OXNAD1: variants seen among roughly 807,000 people sequenced by gnomAD.
The protein encoded by OXNAD1 is oxidoreductase NAD binding domain containing 1.
Under a neutral mutation model 32.9 loss-of-function variants are expected in OXNAD1, and 34 were observed. The observed-to-expected ratio is 1.03, with a 90% CI of 0.79 to 1.38. OXNAD1 has a LOEUF of 1.38. Among genes scored for constraint, OXNAD1 ranks in the 40% most tolerant of loss-of-function variants. OXNAD1 has a pLI of 0.00. For synonymous variants in OXNAD1, 134 were observed against 135.2 expected (o/e 0.99, Z 0.06); for missense variants, 407 against 379.4 (o/e 1.07, Z -0.60).
chr3:16,332,846 C>CCTA (rs2070464129), intron 9 of OXNAD1, among the ~76,000 whole-genome samples: 1 of 151,708 alleles, frequency 6.6e-6, no homozygotes, highest in Non-Finnish European at 1.5e-5. Context: ...TATCTACCTA[C>CCTA]CTACCTACCT....
At chr3:16,273,566 T>G (rs760241827) in intron 4 of OXNAD1, among the ~76,000 whole-genome samples, 35 of 152,100 alleles carry the variant, frequency 2.3e-4, no homozygotes, top group Non-Finnish European at 4.6e-4. Flanking sequence ...TAATTTTTAA[T>G]TTTTTGTAAA....
rs559426133 is a variant in OXNAD1 at position 16,281,332 on chromosome 3, A to T, written c.184-5010A>T. The stretch of plus-strand genomic sequence containing the variant: ...TAGGATAAATAGCAGTAGGTACATT[A>T]CTGTTTGTATTTCAGGTTGAGTATC... On this transcript the variant is annotated intron_variant, in intron 4 of 8. Transcript: ENST00000285083. 3.9e-5 allele frequency among the ~76,000 whole-genome samples: 6 copies of T among 152,342 alleles called. No individual in the cohort carries two copies. The East Asian group carries it at 1.2e-3, about 29-fold the overall frequency.
Position 16,298,691 on chromosome 3 carries a change from C to T in OXNAD1, c.433-2935C>T, listed in dbSNP as rs1010977443. ...GAGACATGGAATAAAGTGCCATAAACGTCTTCCTTTATTTTATCTGCTTTG... is the reference window on the plus strand; with the variant it reads ...GAGACATGGAATAAAGTGCCATAAATGTCTTCCTTTATTTTATCTGCTTTG... On this transcript the variant is annotated intron_variant, in intron 6 of 8. Coordinates refer to ENST00000285083, the MANE Select transcript of OXNAD1 (RefSeq NM_138381.5). The surrounding 1 kb of genome is among the most constrained non-coding windows in gnomAD (Gnocchi z 5.1). Among the ~76,000 whole-genome samples the T allele has an allele frequency of 3.3e-5, 5 of 152,158 alleles. No homozygotes were observed. Among genetic ancestry groups the T allele is most frequent in the African/African-American group, 7.2e-5 (3 of 41,434 alleles).
At chr3:16,266,982 CT>C (rs113497045) in intron 1 of OXNAD1, among the ~76,000 whole-genome samples, 3 of 152,236 alleles carry the variant, frequency 2.0e-5, no homozygotes, top group African/African-American at 7.2e-5. Context: ...ACTAAGGTGT[CT>C]TTGCCTGTTG....
Position 16,286,334 on chromosome 3 carries a change from G to T in OXNAD1, c.184-8G>T. Reference sequence around the variant, plus strand: ...TAACCTCAGCCACAGTTCATCTTTTGGTTTTAGATTGTGTCAGCAGCTAAG... The same window carrying T: ...TAACCTCAGCCACAGTTCATCTTTTTGTTTTAGATTGTGTCAGCAGCTAAG... On this transcript the variant is annotated splice_region_variant and splice_polypyrimidine_tract_variant and intron_variant, in intron 4 of 8. Coordinates refer to ENST00000285083, the MANE Select transcript of OXNAD1 (RefSeq NM_138381.5). 1 of 1,606,396 alleles carries T rather than the reference G, an allele frequency of 6.2e-7. No individual in the cohort carries two copies. The highest frequency in any genetic ancestry group is 1.1e-5 in the South Asian group (1 of 90,874).
At chr3:16,313,641 A>G (rs62233916) in intron 9 of OXNAD1, 23,355 of 152,068 alleles carry the variant, frequency 0.15, 1,856 homozygotes, top group African/African-American at 0.19. Context: ...GGTGGGTGCC[A>G]TTTCACCCCA....
intron 4 of OXNAD1, 36 bp from the exon 5 acceptor site, chr3:16,286,306 C>T (rs2125041643): frequency 6.7e-7 from 1 of 1,492,030 alleles, no homozygotes; most frequent in Non-Finnish European, 9.4e-7. Context: ...GCTGTGTACG[C>T]ACTAACCTCA....
In OXNAD1 at chr3:16,303,481, T is replaced by G; in HGVS notation, c.858T>G (p.Pro286=). The change falls in exon 9 of 9, where the codon CCT becomes CCG. Residue 286 remains proline, a synonymous_variant. Transcript: ENST00000285083. This position sits in a 1 kb window ranked among gnomAD's most constrained non-coding sequence, Gnocchi z 4.8. ...CTTTGTTCTATATTTGTGGCCCACCTCCAATGACAGACTTTTTCTCCAAGC... is the reference window on the plus strand; with the variant it reads ...CTTTGTTCTATATTTGTGGCCCACCGCCAATGACAGACTTTTTCTCCAAGC... ...KETLFYICGP[P]PMTDFFSKQL... 6.2e-7 allele frequency: 1 copy of G among 1,614,052 alleles called. No homozygotes were observed.
chr3:16,298,036 C>A lies in OXNAD1; in HGVS notation c.432+3039C>A, dbSNP rs1267025754. Among the ~76,000 whole-genome samples, 2 of 152,118 alleles carry A rather than the reference C, an allele frequency of 1.3e-5. No homozygotes were observed. Among genetic ancestry groups the A allele is most frequent in the African/African-American group, 4.8e-5 (2 of 41,416 alleles). On this transcript the variant is annotated intron_variant, in intron 6 of 8. Coordinates refer to ENST00000285083, the MANE Select transcript of OXNAD1 (RefSeq NM_138381.5). The surrounding 1 kb of genome is among the most constrained non-coding windows in gnomAD (Gnocchi z 5.1). ...CAACATAATATATTCTTGTGGTTTA[C>A]ACGTCAAGTTGTGTCTGTCCAGGAT...
In OXNAD1 at chr3:16,271,208, C is replaced by T. The variant is rs35392289; in HGVS notation, c.119+137C>T. 0.029 allele frequency: 31,084 copies of T among 1,082,304 alleles called. 573 individuals carry two copies. Among genetic ancestry groups the T allele is most frequent in the Non-Finnish European group, 0.033 (26,002 of 792,432 alleles). The allele number at this position is 1,082,304 out of a possible 1,614,324, so 67.0% of individuals were successfully genotyped here. A position where few individuals can be genotyped will look rare whatever the true frequency, so the allele number is the denominator to read the frequency against. The stretch of plus-strand genomic sequence containing the variant: ...ATGTGCATGCTGTCAGGTTGTTAAC[C>T]GTTTTTTTTGTCTGAGATGGAGTCT... On this transcript the variant is annotated intron_variant, in intron 3 of 8. Transcript: ENST00000285083. This position sits in a 1 kb window ranked among gnomAD's most constrained non-coding sequence, Gnocchi z 4.6.
At chr3:16,350,521 C>G (rs981115189), downstream of OXNAD1, among the ~76,000 whole-genome samples, 2 of 150,994 alleles carry the variant, frequency 1.3e-5, no homozygotes, top group Non-Finnish European at 2.9e-5. Context: ...GGAAAAGGCA[C>G]TCATCCATAC....
At chr3:16,266,345 A>G (rs1431215931) in intron 1 of OXNAD1, among the ~76,000 whole-genome samples, 1 of 152,182 alleles carries the variant, frequency 6.6e-6, no homozygotes, top group Non-Finnish European at 1.5e-5. Context: ...AAACATTACA[A>G]TGACTACTAA....
chr3:16,302,087 G>A lies in OXNAD1; in HGVS notation c.675+219G>A, dbSNP rs2125095834. Reference sequence around the variant, plus strand: ...GCAGTTAGGTGACAGGAAAGGGTAGGTTTTGGTGGGATGGAATCTGGAGGT... The same window carrying A: ...GCAGTTAGGTGACAGGAAAGGGTAGATTTTGGTGGGATGGAATCTGGAGGT... On this transcript the variant is annotated intron_variant, in intron 7 of 8. Transcript: ENST00000285083. The surrounding 1 kb of genome is among the most constrained non-coding windows in gnomAD (Gnocchi z 4.2). 6.6e-6 allele frequency among the ~76,000 whole-genome samples: 1 copy of A among 152,302 alleles called. No individual in the cohort carries two copies. Among genetic ancestry groups the A allele is most frequent in the East Asian group, 1.9e-4 (1 of 5,182 alleles).
chr3:16,269,193 T>C lies in OXNAD1; in HGVS notation c.-91T>C, dbSNP rs930611728. 1.3e-6 allele frequency: 2 copies of C among 1,527,514 alleles called. No individual in the cohort carries two copies. Among genetic ancestry groups the C allele is most frequent in the East Asian group, 4.9e-5 (2 of 40,696 alleles). The allele number at this position is 1,527,514 out of a possible 1,614,324, so 94.6% of individuals were successfully genotyped here. A position where few individuals can be genotyped will look rare whatever the true frequency, so the allele number is the denominator to read the frequency against. ...TCCAACTGCTGTACATCCAAAAGTC[T>C]CAGTGTAATAGCAGGACCAAAATAT... On this transcript the variant is annotated 5_prime_UTR_variant, in exon 2 of 9. Transcript: ENST00000285083.
At chr3:16,315,378 A>T (rs2068278077) in intron 9 of OXNAD1, among the ~76,000 whole-genome samples, 1 of 152,214 alleles carries the variant, frequency 6.6e-6, no homozygotes, top group Non-Finnish European at 1.5e-5. Flanking sequence ...AGCCTCCCAA[A>T]GTGCTGGGAT....
chr3:16,328,895 G>T (rs1344836799), intron 9 of OXNAD1, among the ~76,000 whole-genome samples: 1 of 152,086 alleles, frequency 6.6e-6, no homozygotes, highest in Non-Finnish European at 1.5e-5. Context: ...TTCTCCATGA[G>T]AAAAAAATAT....
rs1186956962 is a variant in OXNAD1 at position 16,304,291 on chromosome 3, A to C, written c.*729A>C. 2.0e-5 allele frequency: 3 copies of C among 152,290 alleles called. No individual in the cohort carries two copies. Among genetic ancestry groups the C allele is most frequent in the Non-Finnish European group, 4.4e-5 (3 of 68,058 alleles). 9.4% of individuals were successfully genotyped at this position (152,290 alleles called of 1,614,324 possible). On this transcript the variant is annotated 3_prime_UTR_variant, in exon 9 of 9. Coordinates refer to ENST00000285083, the MANE Select transcript of OXNAD1 (RefSeq NM_138381.5). This position sits in a 1 kb window ranked among gnomAD's most constrained non-coding sequence, Gnocchi z 4.6. The stretch of plus-strand genomic sequence containing the variant: ...GACAAAGGCATTGGTGATGTGTTCC[A>C]TGTTGAATCTGCCTTCAGTGCCTGG...
rs770650085 is a variant in OXNAD1 at position 16,302,721 on chromosome 3, A to G, written c.757A>G (p.Asn253Asp). 2 of 1,613,032 alleles carry G rather than the reference A, an allele frequency of 1.2e-6. No homozygotes were observed. The highest frequency in any genetic ancestry group is 2.2e-5 in the South Asian group (2 of 91,026). ...LHVTKQTTQI[N>D]AELKPYITEG... is the part of the protein sequence containing the mutation. The stretch of plus-strand genomic sequence containing the variant: ...TGTTACAAAACAGACTACACAAATC[A>G]ATGCGGAACTCAAGCCATACATCAC... The change falls in exon 8 of 9, where the codon AAT becomes GAT. Residue 253 changes from asparagine to aspartate, a missense_variant. Transcript: ENST00000285083. The surrounding 1 kb of genome is among the most constrained non-coding windows in gnomAD (Gnocchi z 4.2).
Position 16,345,811 on chromosome 3 carries a change from T to C in OXNAD1, c.*31-3365T>C. On this transcript the variant is annotated intron_variant, in intron 9 of 9. Transcript: ENST00000606098. This position sits in a 1 kb window ranked among gnomAD's most constrained non-coding sequence, Gnocchi z 5.2. The stretch of plus-strand genomic sequence containing the variant: ...CTCTGTGTGTGTGTGTGTGTGTGTG[T>C]GTGTGTGCGCGCGCGCGTGCGCGCA... Among the ~76,000 whole-genome samples, 1 of 85,752 alleles carries C rather than the reference T, an allele frequency of 1.2e-5. No individual in the cohort carries two copies. Among genetic ancestry groups the C allele is most frequent in the South Asian group, 3.7e-4 (1 of 2,734 alleles). 56.3% of individuals were successfully genotyped at this position (85,752 alleles called of 152,430 possible). A position where few individuals can be genotyped will look rare whatever the true frequency, so the allele number is the denominator to read the frequency against.
Sources: gnomAD v4.1 joint callset for allele counts (sites outside exome capture counted in the v4.1 genomes callset) on GRCh38, gnomAD v4.1.1 for gene constraint, Gnocchi (gnomAD v3.1) non-coding constraint, MANE v1.5 for transcripts, NCBI Gene and HGNC (gene_info 2026-07-23, HGNC 2026-07-21) for gene names.